Variants in TMEM245 observed in about 807,000 individuals in gnomAD.
The protein encoded by TMEM245 is protein CG-2.
Under a neutral mutation model 101.2 loss-of-function variants are expected in TMEM245, and 69 were observed. That is an observed-to-expected ratio of 0.68 (90% confidence interval 0.56 to 0.83). TMEM245 has a LOEUF of 0.83. Among genes scored for constraint, TMEM245 ranks in the 40% least tolerant of loss-of-function variants. The pLI is 0.00. For synonymous variants in TMEM245, 537 were observed against 449.8 expected (o/e 1.19, Z -2.45); for missense variants, 1,075 against 1,092.8 (o/e 0.98, Z 0.23).
chr9:109,073,708 C>T (rs989409407), intron 8 of TMEM245, among the ~76,000 whole-genome samples: 9 of 152,138 alleles, frequency 5.9e-5, no homozygotes, highest in Non-Finnish European at 8.8e-5. Context: ...ATACTTGACA[C>T]GTATATGTAC....
At chr9:109,083,743 T>C (rs555080079) in intron 7 of TMEM245, among the ~76,000 whole-genome samples, 6 of 151,448 alleles carry the variant, frequency 4.0e-5, no homozygotes, top group Admixed American at 1.3e-4. Context: ...TGAGTTTTAG[T>C]GCAAATAATC....
chr9:109,050,594 G>A lies in TMEM245; in HGVS notation c.1953C>T (p.Ala651=). The change falls in exon 13 of 18, where the codon GCC becomes GCT. Residue 651 remains alanine, a synonymous_variant. Coordinates refer to ENST00000374586, the MANE Select transcript of TMEM245 (RefSeq NM_032012.4). ...CCAGAGAGAGTACAAAATTGAGAAG[G>A]GCTGTCCCGCTGTAGAAGAGGATGG... ...LLTILFYSGT[A]LLNFVLSLII... The A allele has an allele frequency of 1.2e-6, 2 of 1,613,732 alleles. No individual in the cohort carries two copies. Among genetic ancestry groups the A allele is most frequent in the East Asian group, 2.2e-5 (1 of 44,858 alleles).
chr9:109,046,201 A>C (rs929992102), intron 14 of TMEM245: 1 of 533,666 alleles, frequency 1.9e-6, no homozygotes, highest in African/African-American at 1.9e-5. Context: ...AGCAAGCAAG[A>C]GCCATACCCG....
At chr9:109,090,164 G>A (rs941480763) in intron 5 of TMEM245, among the ~76,000 whole-genome samples, 2 of 152,192 alleles carry the variant, frequency 1.3e-5, no homozygotes, top group African/African-American at 4.8e-5. Context: ...AGGAGGCTGA[G>A]GTGGGAGAAT....
chr9:109,046,222 C>A (rs1828486492), intron 14 of TMEM245: 1 of 534,414 alleles, frequency 1.9e-6, no homozygotes, highest in Non-Finnish European at 3.8e-6. Flanking sequence ...TGTGCATGCA[C>A]TCATGTGAAA....
intron 7 of TMEM245, among the ~76,000 whole-genome samples, chr9:109,083,974 G>A (rs151236512): frequency 4.7e-4 from 69 of 146,252 alleles, no homozygotes; most frequent in African/African-American, 1.6e-3. Flanking sequence ...CTACTTAGGC[G>A]GCTGAGGTGG....
At chr9:109,080,999 C>T (rs553683411) in intron 7 of TMEM245, 56 bp from the exon 8 acceptor site, 2 of 1,117,616 alleles carry the variant, frequency 1.8e-6, no homozygotes, top group East Asian at 2.4e-5. Flanking sequence ...TTTAAAAATA[C>T]ATATACTCAA....
chr9:109,064,975 A>G (rs1021480374), intron 9 of TMEM245, among the ~76,000 whole-genome samples: 36 of 152,190 alleles, frequency 2.4e-4, no homozygotes, highest in Admixed American at 8.5e-4. Flanking sequence ...TAGTAGAGAT[A>G]GGGTTTCACC....
chr9:109,087,458 G>T (rs1028476313), intron 5 of TMEM245, 116 bp from the exon 6 acceptor site: 9 of 1,041,948 alleles, frequency 8.6e-6, no homozygotes, highest in Non-Finnish European at 1.1e-5. Context: ...GTATTAAAAA[G>T]AAGATCAATG....
In TMEM245 at chr9:109,056,824, A is replaced by T. The variant is rs138059513; in HGVS notation, c.1854+367T>A. On this transcript the variant is annotated intron_variant, in intron 12 of 17. Transcript: ENST00000374586. ...TGCAGAGGTGATGATGCATGGTAGG[A>T]GGTTAGGTGGGAAGGTGACAAGCTA... Among the ~76,000 whole-genome samples, 563 of 152,228 alleles carry T rather than the reference A, an allele frequency of 3.7e-3. 5 individuals carry two copies. The highest frequency in any genetic ancestry group is 6.2e-3 in the Non-Finnish European group (425 of 68,008).
chr9:109,055,179 G>C (rs1044547029), intron 12 of TMEM245, among the ~76,000 whole-genome samples: 2 of 152,026 alleles, frequency 1.3e-5, no homozygotes, highest in African/African-American at 4.8e-5. Flanking sequence ...TAAGTTCAAC[G>C]ACTACAGTCA....
intron 5 of TMEM245, among the ~76,000 whole-genome samples, chr9:109,088,675 G>A (rs915160514): frequency 2.0e-5 from 3 of 151,978 alleles, no homozygotes; most frequent in African/African-American, 7.3e-5. Flanking sequence ...AAATTAGCCA[G>A]GCGTTGTGGC....
At chr9:109,089,932 G>T (rs1829949457) in intron 5 of TMEM245, among the ~76,000 whole-genome samples, 2 of 152,176 alleles carry the variant, frequency 1.3e-5, no homozygotes, top group Non-Finnish European at 2.9e-5. Flanking sequence ...AAAAGGCAAG[G>T]TAAAACGTGC....
At chr9:109,067,477 T>G (rs11788825) in intron 9 of TMEM245, among the ~76,000 whole-genome samples, 42,818 of 152,094 alleles carry the variant, frequency 0.28, 6,060 homozygotes, top group Admixed American at 0.32. Flanking sequence ...GGGTAAAGGT[T>G]AATCTCTATC....
At chr9:109,033,094 C>T (rs532758818) in intron 17 of TMEM245, among the ~76,000 whole-genome samples, 14 of 152,280 alleles carry the variant, frequency 9.2e-5, no homozygotes, top group Admixed American at 5.2e-4. Flanking sequence ...CCACTGCTCC[C>T]GGCCCCAATA....
chr9:109,040,180 G>A (rs367953028), intron 14 of TMEM245, among the ~76,000 whole-genome samples: 6 of 152,112 alleles, frequency 3.9e-5, no homozygotes, highest in African/African-American at 1.4e-4. Context: ...CCTAGTGAGG[G>A]ATGAAAAGAC....
intron 12 of TMEM245, 139 bp from the exon 13 acceptor site, chr9:109,050,831 T>TAAAAA (rs199816612): frequency 1.4e-6 from 1 of 727,910 alleles, no homozygotes. Context: ...AAATGAAAAT[T>TAAAAA]AAAAAAAAAA....
chr9:109,025,522 C>T (rs1352399847), intron 17 of TMEM245, among the ~76,000 whole-genome samples: 4 of 152,178 alleles, frequency 2.6e-5, no homozygotes, highest in African/African-American at 9.7e-5. Context: ...CCAGTTGTCA[C>T]CTTCCTCTCA....
chr9:109,041,047 C>T (rs1457150408), intron 14 of TMEM245, among the ~76,000 whole-genome samples: 2 of 152,172 alleles, frequency 1.3e-5, no homozygotes, highest in Non-Finnish European at 2.9e-5. Flanking sequence ...TAATAGTCCA[C>T]GGACACCAAC....
Sources: gnomAD v4.1 joint callset for allele counts (sites outside exome capture counted in the v4.1 genomes callset) on GRCh38, gnomAD v4.1.1 for gene constraint, MANE v1.5 for transcripts, NCBI Gene and HGNC (gene_info 2026-07-23, HGNC 2026-07-21) for gene names.